SCUBE1: variants seen among roughly 807,000 people sequenced by gnomAD.
SCUBE1 encodes signal peptide, CUB and EGF-like domain-containing protein 1.
In SCUBE1, 59 loss-of-function variants were observed where a neutral mutation model predicts 124.4. That is an observed-to-expected ratio of 0.47 (90% CI 0.38 to 0.59). SCUBE1 has a LOEUF of 0.59. Among genes scored for constraint, SCUBE1 ranks in the 20% least tolerant of loss-of-function variants. The pLI is 0.00. For missense variants in SCUBE1, 1,150 were observed against 1,371.2 expected (o/e 0.84, Z 2.55); for synonymous variants, 545 against 550.9 (o/e 0.99, Z 0.15).
chr22:43,280,697 C>T (rs1044094023), intron 4 of SCUBE1, among the ~76,000 whole-genome samples: 1 of 143,816 alleles, frequency 7.0e-6, no homozygotes, highest in African/African-American at 2.6e-5. Flanking sequence ...CACACATCCC[C>T]ACCACCTTCC....
At position 43,200,758 on chromosome 22, in the gene SCUBE1, T is replaced by C. The variant is rs1325294262; in HGVS notation, c.*3239A>G. The stretch of plus-strand genomic sequence containing the variant: ...GCTCCTCATGGCCTCTCCCGTGGGC[T>C]GGGAGCTATAGAAGGGCTTGCGAGG... On this transcript the variant is annotated 3_prime_UTR_variant, in exon 22 of 22. Transcript: ENST00000360835. 1 of 152,258 alleles carries C rather than the reference T, an allele frequency of 6.6e-6. No individual in the cohort carries two copies. Among genetic ancestry groups the C allele is most frequent in the African/African-American group, 2.4e-5 (1 of 41,456 alleles). 9.4% of individuals were successfully genotyped at this position (152,258 alleles called of 1,614,324 possible). A position where few individuals can be genotyped will look rare whatever the true frequency, so the allele number is the denominator to read the frequency against.
Position 43,339,217 on chromosome 22 carries a change from T to C in SCUBE1, c.107A>G (p.Glu36Gly), listed in dbSNP as rs753778079. The change falls in exon 2 of 22, where the codon GAG (glutamate) becomes GGG (glycine). Residue 36 changes from glutamate to glycine, a missense_variant. Transcript: ENST00000360835. ...SGLPGSVDVD[E>G]CSEGTDDCHI... ...GCAGTCATCTGTGCCCTCTGAGCAC[T>C]CATCCACGTCGACTGACCCTGTGGG... 3 of 1,613,670 alleles carry C rather than the reference T, an allele frequency of 1.9e-6. No homozygotes were observed. Among genetic ancestry groups the C allele is most frequent in the Admixed American group, 3.3e-5 (2 of 60,008 alleles).
At chr22:43,340,638 A>C (rs552193432) in intron 1 of SCUBE1, among the ~76,000 whole-genome samples, 1 of 150,218 alleles carries the variant, frequency 6.7e-6, no homozygotes, top group Non-Finnish European at 1.5e-5. Flanking sequence ...TGAGGAAATG[A>C]GGCCCAGTGA....
chr22:43,252,279 C>T (rs958726202), intron 6 of SCUBE1, among the ~76,000 whole-genome samples: 1 of 152,254 alleles, frequency 6.6e-6, no homozygotes, highest in Non-Finnish European at 1.5e-5. Context: ...AGGGCACTCC[C>T]CTCCCTCACT....
In SCUBE1 at chr22:43,285,906, T is replaced by C. The variant is rs558060091; in HGVS notation, c.484+5140A>G. On this transcript the variant is annotated intron_variant, in intron 4 of 21. Transcript: ENST00000360835. The stretch of plus-strand genomic sequence containing the variant: ...TGGCATGTACTACCTTGTGCACAGA[T>C]GAACCTGGGTGCAAGGACCACCAGC... Among the ~76,000 whole-genome samples, 16 of 152,346 alleles carry C rather than the reference T, an allele frequency of 1.1e-4. No individual in the cohort carries two copies. In the South Asian group the frequency reaches 3.3e-3, roughly 32 times the overall value.
At position 43,255,156 on chromosome 22, in the gene SCUBE1, C is replaced by T. The variant is rs1923607349; in HGVS notation, c.727+3063G>A. 1.3e-5 allele frequency among the ~76,000 whole-genome samples: 2 copies of T among 152,328 alleles called. No individual in the cohort carries two copies. The highest frequency in any genetic ancestry group is 4.1e-4 in the South Asian group (2 of 4,826). The stretch of plus-strand genomic sequence containing the variant: ...TCGGGGAGCTTTACGACACACGTCT[C>T]CTTACACGCACAGGCCAGTGGATAC... On this transcript the variant is annotated intron_variant, in intron 6 of 21. Transcript: ENST00000360835. The surrounding 1 kb of genome is among the most constrained non-coding windows in gnomAD (Gnocchi z 4.7).
intron 4 of SCUBE1, among the ~76,000 whole-genome samples, chr22:43,275,350 C>A (rs994715354): frequency 6.6e-6 from 1 of 152,192 alleles, no homozygotes; most frequent in Non-Finnish European, 1.5e-5. Context: ...CTGCTCTGCA[C>A]GAGGGGTGTG....
chr22:43,207,734 G>T, intron 20 of SCUBE1, 121 bp from the exon 21 acceptor site: 1 of 789,286 alleles, frequency 1.3e-6, no homozygotes, highest in South Asian at 1.4e-5. Context: ...GGCTATGGCT[G>T]GCCGCAGCTC....
intron 10 of SCUBE1, among the ~76,000 whole-genome samples, chr22:43,224,915 C>T (rs536707873): frequency 7.2e-5 from 11 of 152,310 alleles, no homozygotes; most frequent in Admixed American, 3.3e-4. Context: ...TGGTAAATGG[C>T]AAACTGCCCC....
intron 21 of SCUBE1, among the ~76,000 whole-genome samples, chr22:43,204,602 A>T (rs1601789616): frequency 6.6e-6 from 1 of 150,414 alleles, no homozygotes; most frequent in Non-Finnish European, 1.5e-5. Context: ...CCTGGCCCGT[A>T]ACTGGTTTTT....
chr22:43,262,879 G>C, intron 4 of SCUBE1, 34 bp from the exon 5 acceptor site: 1 of 1,595,766 alleles, frequency 6.3e-7, no homozygotes. Context: ...ACGGGTTGAA[G>C]ACCAGGCAGA....
chr22:43,330,953 G>A (rs5759287), intron 2 of SCUBE1, among the ~76,000 whole-genome samples: 5 of 151,856 alleles, frequency 3.3e-5, no homozygotes, highest in African/African-American at 9.7e-5. Context: ...TTCTCTCCCC[G>A]CTGAGCCTCC....
At chr22:43,252,409 T>C (rs1264304072) in intron 6 of SCUBE1, among the ~76,000 whole-genome samples, 1 of 152,208 alleles carries the variant, frequency 6.6e-6, no homozygotes, top group Non-Finnish European at 1.5e-5. Context: ...TTGCAGGTTC[T>C]GCCAGGGGAC....
In SCUBE1 at chr22:43,340,481, TACACACACACACACACACACAC is replaced by T. The variant is rs3047392; in HGVS notation, c.89-1268_89-1247del. 3.5e-4 allele frequency among the ~76,000 whole-genome samples: 47 copies of T among 136,114 alleles called. 1 individual carries two copies. Among genetic ancestry groups the T allele is most frequent in the African/African-American group, 1.1e-3 (39 of 36,314 alleles). The allele number at this position is 136,114 out of a possible 152,430, so 89.3% of individuals were successfully genotyped here. A position where few individuals can be genotyped will look rare whatever the true frequency, so the allele number is the denominator to read the frequency against. On this transcript the variant is annotated intron_variant, in intron 1 of 21. Transcript: ENST00000360835. ...CCCAAGCCTCTCTCCTTGTCTCTTT[TACACACACACACACACACACAC>T]ACACACACACACACACACACACACA...
chr22:43,214,046 C>CGGG, intron 16 of SCUBE1, 44 bp downstream of exon 16: 5 of 422,702 alleles, frequency 1.2e-5, no homozygotes, highest in Non-Finnish European at 1.2e-5. Flanking sequence ...GAGGAGCCCC[C>CGGG]GCCCACCCCC....
At position 43,234,316 on chromosome 22, in the gene SCUBE1, G is replaced by A. The variant is rs919076345; in HGVS notation, c.845-2441C>T. ...CCATCTGCAAACTGGGCTGCTAAAT[G>A]GTGCCTCTCCTAGCATCGCCTCTCC... On this transcript the variant is annotated intron_variant, in intron 7 of 21. Transcript: ENST00000360835. The surrounding 1 kb of genome is among the most constrained non-coding windows in gnomAD (Gnocchi z 4.4). Among the ~76,000 whole-genome samples the A allele has an allele frequency of 3.3e-5, 5 of 152,236 alleles. No homozygotes were observed. The highest frequency in any genetic ancestry group is 3.4e-3 in the Middle Eastern group (1 of 294).
intron 12 of SCUBE1, among the ~76,000 whole-genome samples, chr22:43,221,715 G>A (rs1050957728): frequency 7.2e-5 from 11 of 152,158 alleles, no homozygotes; most frequent in African/African-American, 2.4e-4. Context: ...ATAGCCCTTG[G>A]ACTAAAGAAT....
chr22:43,275,260 G>A (rs915300767), intron 4 of SCUBE1, among the ~76,000 whole-genome samples: 28 of 152,258 alleles, frequency 1.8e-4, no homozygotes, highest in African/African-American at 6.8e-4. Flanking sequence ...CTGTGGAAGG[G>A]AGCAAGGTGG....
rs1923753372 is a variant in SCUBE1 at position 43,258,523 on chromosome 22, G to T, written c.611-188C>A. 6.6e-6 allele frequency among the ~76,000 whole-genome samples: 1 copy of T among 152,156 alleles called. No individual in the cohort carries two copies. Among genetic ancestry groups the T allele is most frequent in the East Asian group, 1.9e-4 (1 of 5,206 alleles). ...GCACTTCAGCCCCTCCAGGGACCCT[G>T]GAGTCACTCACTCCCTAGAGCTGAA... On this transcript the variant is annotated intron_variant, in intron 5 of 21. Transcript: ENST00000360835. The surrounding 1 kb of genome is among the most constrained non-coding windows in gnomAD (Gnocchi z 5.0).
Sources: gnomAD v4.1 joint callset for allele counts (sites outside exome capture counted in the v4.1 genomes callset) on GRCh38, gnomAD v4.1.1 for gene constraint, Gnocchi (gnomAD v3.1) non-coding constraint, MANE v1.5 for transcripts, NCBI Gene and HGNC (gene_info 2026-07-23, HGNC 2026-07-21) for gene names.